CD163L1: variants seen among roughly 807,000 people sequenced by gnomAD.
The protein encoded by CD163L1 is CD163 molecule like 1.
CD163L1 carries 124 observed loss-of-function variants against 165.4 expected under a neutral mutation model. The observed-to-expected ratio is 0.75, with a 90% confidence interval of 0.65 to 0.87. CD163L1 has a LOEUF of 0.87. CD163L1 is among the 40% of genes least tolerant of loss of function. CD163L1 has a pLI of 0.00. For synonymous variants in CD163L1, 585 were observed against 662.2 expected (o/e 0.88, Z 1.79); for missense variants, 1,525 against 1,799.9 (o/e 0.85, Z 2.76).
chr12:7,438,673 C>T, intron 2 of CD163L1: 1 of 568,776 alleles, frequency 1.8e-6, no homozygotes. Context: ...TATGACCGCC[C>T]ATGGTCATAA....
At position 7,372,642 on chromosome 12, in the gene CD163L1, T is replaced by C. The variant is rs949728062; in HGVS notation, c.3730+678A>G. 6.6e-6 allele frequency among the ~76,000 whole-genome samples: 1 copy of C among 151,802 alleles called. No homozygotes were observed. Among genetic ancestry groups the C allele is most frequent in the Non-Finnish European group, 1.5e-5 (1 of 67,888 alleles). ...CATTACATGCATATATATCATACTA[T>C]ATATACATATACATATATAGTATCT... On this transcript the variant is annotated intron_variant, in intron 14 of 19. Transcript: ENST00000313599. This position sits in a 1 kb window ranked among gnomAD's most constrained non-coding sequence, Gnocchi z 4.2.
At chr12:7,323,527 T>TAC in the CD163L1 span, 15 of 1,613,750 alleles carry the variant, frequency 9.3e-6, no homozygotes, top group Non-Finnish European at 1.0e-5. Flanking sequence ...GACTCAAACC[T>TAC]ACACGGCCCT....
chr12:7,387,909 C>T (rs2136467280), intron 8 of CD163L1, among the ~76,000 whole-genome samples: 1 of 152,220 alleles, frequency 6.6e-6, no homozygotes, highest in African/African-American at 2.4e-5. Context: ...CCAAAACAGC[C>T]TGCTATTGGT....
chr12:7,392,798 C>T (rs781025093), intron 8 of CD163L1, among the ~76,000 whole-genome samples: 12 of 152,192 alleles, frequency 7.9e-5, no homozygotes, highest in South Asian at 4.2e-4. Flanking sequence ...AACACCTCTA[C>T]GCAAATAAAC....
At chr12:7,371,210 G>A (rs746583280) in intron 14 of CD163L1, among the ~76,000 whole-genome samples, 1 of 152,110 alleles carries the variant, frequency 6.6e-6, no homozygotes, top group Non-Finnish European at 1.5e-5. Context: ...CCCAGTCTCT[G>A]GTATTTCTTT....
intron 8 of CD163L1, among the ~76,000 whole-genome samples, chr12:7,393,818 C>G (rs1370195030): frequency 6.6e-6 from 1 of 152,130 alleles, no homozygotes; most frequent in Non-Finnish European, 1.5e-5. Flanking sequence ...CTCCCATTCA[C>G]ATTTGCTACA....
At chr12:7,335,336 C>G in the CD163L1 span, among the ~76,000 whole-genome samples, 1 of 152,080 alleles carries the variant, frequency 6.6e-6, no homozygotes, top group African/African-American at 2.4e-5. Context: ...GAAATAATGC[C>G]ACATATCTAC....
rs183399320 is a variant in CD163L1 at position 7,404,356 on chromosome 12, T to C, written c.1088-501A>G. Among the ~76,000 whole-genome samples the C allele has an allele frequency of 7.5e-4, 114 of 151,962 alleles. 1 individual carries two copies. Among genetic ancestry groups the C allele is most frequent in the African/African-American group, 2.7e-3 (111 of 41,542 alleles). On this transcript the variant is annotated intron_variant, in intron 5 of 19. Transcript: ENST00000313599. ...GCAAAAAGTCTCTCTTGGATTTAAA[T>C]AGAAATATGTTCTTTCTCATACTGT...
Position 7,373,354 on chromosome 12 carries a change from G to A in CD163L1, c.3696C>T (p.Ser1232=), listed in dbSNP as rs1486766822. 6.2e-7 allele frequency: 1 copy of A among 1,613,770 alleles called. No homozygotes were observed. Among genetic ancestry groups the A allele is most frequent in the South Asian group, 1.1e-5 (1 of 91,046 alleles). The change falls in exon 14 of 20, where the codon TCC becomes TCT. Residue 1232 remains serine (S), a synonymous_variant. Coordinates refer to ENST00000313599, the MANE Select transcript of CD163L1 (RefSeq NM_174941.6). Reference sequence around the variant, plus strand: ...TGATCCAGGTCTCTTCTGCTGGGCTGGAGATTCTTCGCTCCCATGGGGCAG... The same window carrying A: ...TGATCCAGGTCTCTTCTGCTGGGCTAGAGATTCTTCGCTCCCATGGGGCAG... ...CLSAPWERRI[S]SPAEETWITC...
chr12:7,327,028 A>C, the CD163L1 span: 1 of 1,612,828 alleles, frequency 6.2e-7, no homozygotes, highest in Non-Finnish European at 8.5e-7. Context: ...TACAACCCAG[A>C]GAAATTAACT....
the CD163L1 span, among the ~76,000 whole-genome samples, chr12:7,321,615 T>C: frequency 3.3e-5 from 5 of 152,240 alleles, no homozygotes; most frequent in Non-Finnish European, 5.9e-5. Flanking sequence ...CAATGATTAT[T>C]TTGAATACAC....
chr12:7,428,065 T>G (rs925487064), intron 4 of CD163L1, among the ~76,000 whole-genome samples: 1 of 152,092 alleles, frequency 6.6e-6, no homozygotes, highest in African/African-American at 2.4e-5. Flanking sequence ...CTGAATCAGA[T>G]AATTTCTGGT....
At chr12:7,390,502 C>T (rs1377864120) in intron 8 of CD163L1, among the ~76,000 whole-genome samples, 1 of 151,922 alleles carries the variant, frequency 6.6e-6, no homozygotes, top group Non-Finnish European at 1.5e-5. Context: ...TATTATAGAT[C>T]AGTAAAAATA....
At chr12:7,342,728 A>G (rs1463657484), downstream of CD163L1, among the ~76,000 whole-genome samples, 2 of 152,180 alleles carry the variant, frequency 1.3e-5, no homozygotes, top group Non-Finnish European at 2.9e-5. Flanking sequence ...GGACCTCCCC[A>G]GCTCAAGCAA....
the CD163L1 span, among the ~76,000 whole-genome samples, chr12:7,341,178 TC>T: frequency 6.6e-6 from 1 of 152,118 alleles, no homozygotes; most frequent in African/African-American, 2.4e-5. Context: ...AAAAATAAAG[TC>T]ACAGAACATT....
chr12:7,343,117 G>A (rs1246588901), downstream of CD163L1, among the ~76,000 whole-genome samples: 1 of 152,160 alleles, frequency 6.6e-6, no homozygotes, highest in African/African-American at 2.4e-5. Context: ...GAGGAAGAGA[G>A]AGAGAGAGAA....
intron 4 of CD163L1, among the ~76,000 whole-genome samples, chr12:7,415,908 T>A (rs1383570259): frequency 1.3e-5 from 2 of 152,182 alleles, no homozygotes; most frequent in Non-Finnish European, 2.9e-5. Flanking sequence ...ATCTTTATAG[T>A]AGAATGATTT....
chr12:7,425,320 T>C (rs897706519), intron 4 of CD163L1, among the ~76,000 whole-genome samples: 2 of 152,284 alleles, frequency 1.3e-5, no homozygotes, highest in East Asian at 1.9e-4. Flanking sequence ...TTACACTTTA[T>C]ACAAAAATTA....
chr12:7,330,210 GGTT>G, the CD163L1 span, among the ~76,000 whole-genome samples: 4 of 152,138 alleles, frequency 2.6e-5, no homozygotes, highest in Admixed American at 2.0e-4. Flanking sequence ...CTTCTAGTCT[GGTT>G]TACCAAGCAA....
Sources: allele counts gnomAD v4.1 joint callset (sites outside exome capture counted in the v4.1 genomes callset), GRCh38; gene constraint gnomAD v4.1.1; non-coding constraint Gnocchi (gnomAD v3.1); transcripts MANE v1.5; gene names NCBI Gene and HGNC (gene_info 2026-07-23, HGNC 2026-07-21).